The following VPS13B variants were observed in gnomAD, a reference collection of about 807,000 sequenced individuals.
VPS13B encodes the protein vacuolar protein sorting 13 homolog B.
VPS13B carries 285 observed loss-of-function variants against 426.4 expected under a neutral mutation model. The ratio of observed to expected loss-of-function variants is 0.67; its 90% CI spans 0.61 to 0.74. The LOEUF is 0.74. VPS13B is among the 30% of genes least tolerant of loss of function. VPS13B has a pLI of 0.00. For missense variants in VPS13B, 4,537 were observed against 4,782.6 expected (o/e 0.95, Z 1.51); for synonymous variants, 1,676 against 1,676.4 (o/e 1.00, Z 0.01).
At chr8:99,492,411 A>G (rs1820657276) in intron 25 of VPS13B, among the ~76,000 whole-genome samples, 1 of 152,348 alleles carries the variant, frequency 6.6e-6, no homozygotes, top group African/African-American at 2.4e-5. Flanking sequence ...GCTGTCAGAC[A>G]GGGACGTTTA....
chr8:99,232,350 C>T (rs1194207798), intron 17 of VPS13B, among the ~76,000 whole-genome samples: 1 of 152,008 alleles, frequency 6.6e-6, no homozygotes, highest in Non-Finnish European at 1.5e-5. Flanking sequence ...GAGATGGTAT[C>T]CCTCCTGTTG....
At chr8:99,775,624 T>C (rs1355421912) in intron 40 of VPS13B, among the ~76,000 whole-genome samples, 1 of 152,090 alleles carries the variant, frequency 6.6e-6, no homozygotes, top group African/African-American at 2.4e-5. Context: ...CAGGCTGGGA[T>C]TGGTGGCTCA....
intron 6 of VPS13B, among the ~76,000 whole-genome samples, chr8:99,113,225 A>C (rs1402788237): frequency 1.3e-5 from 2 of 151,966 alleles, no homozygotes; most frequent in African/African-American, 4.8e-5. Flanking sequence ...CAGGCTCTTA[A>C]GTAGCTAGGA....
At chr8:99,292,163 G>A (rs925860944) in intron 19 of VPS13B, among the ~76,000 whole-genome samples, 12 of 152,084 alleles carry the variant, frequency 7.9e-5, no homozygotes, top group African/African-American at 2.7e-4. Flanking sequence ...AACAAATGCA[G>A]AAGTGAAGAA....
chr8:99,066,725 A>G (rs1034248547), intron 3 of VPS13B, among the ~76,000 whole-genome samples: 2 of 152,242 alleles, frequency 1.3e-5, no homozygotes, highest in Non-Finnish European at 2.9e-5. Flanking sequence ...AACCTACAGA[A>G]TAGGAGAAAA....
chr8:99,717,125 T>C (rs1289428926), intron 36 of VPS13B, 46 bp from the exon 37 acceptor site: 9 of 1,537,716 alleles, frequency 5.9e-6, no homozygotes, highest in Non-Finnish European at 8.1e-6. Context: ...CCAAACATTT[T>C]TTTTGATAAG....
chr8:99,480,740 C>A (rs888209757), intron 24 of VPS13B, among the ~76,000 whole-genome samples: 41 of 152,090 alleles, frequency 2.7e-4, no homozygotes, highest in Middle Eastern at 3.2e-3. Context: ...TGTTTTTATG[C>A]ATCTGTTCTG....
chr8:99,532,220 G>C (rs561204921), intron 30 of VPS13B, among the ~76,000 whole-genome samples: 6 of 152,196 alleles, frequency 3.9e-5, no homozygotes, highest in Non-Finnish European at 8.8e-5. Flanking sequence ...ATCGTCAATT[G>C]TGAGGTTTTT....
At chr8:99,579,271 A>G (rs954598322) in intron 33 of VPS13B, among the ~76,000 whole-genome samples, 1 of 152,222 alleles carries the variant, frequency 6.6e-6, no homozygotes, top group African/African-American at 2.4e-5. Context: ...AGCAGAACTC[A>G]TATCTGCTAG....
At chr8:99,355,649 T>C (rs1812143313) in intron 19 of VPS13B, among the ~76,000 whole-genome samples, 1 of 152,132 alleles carries the variant, frequency 6.6e-6, no homozygotes, top group South Asian at 2.1e-4. Flanking sequence ...AATGTATGAC[T>C]CTGCCCTTTC....
chr8:99,086,818 G>A (rs7012018), intron 3 of VPS13B, among the ~76,000 whole-genome samples: 110,721 of 151,256 alleles, frequency 0.73, 41,098 homozygotes, highest in South Asian at 0.86. Context: ...TCCTCTGGAA[G>A]CTTTGTCTCA....
chr8:99,836,910 T>G (rs1815425387), intron 54 of VPS13B, among the ~76,000 whole-genome samples: 1 of 152,208 alleles, frequency 6.6e-6, no homozygotes, highest in South Asian at 2.1e-4. Flanking sequence ...CCTCCAGAAG[T>G]ACCTTGGTCT....
chr8:99,267,535 C>G (rs1273680705), intron 17 of VPS13B, among the ~76,000 whole-genome samples: 1 of 151,978 alleles, frequency 6.6e-6, no homozygotes, highest in Non-Finnish European at 1.5e-5. Flanking sequence ...CGAGACCATC[C>G]TGGCTAACAT....
intron 2 of VPS13B, among the ~76,000 whole-genome samples, chr8:99,031,741 G>A (rs1400916193): frequency 6.6e-6 from 1 of 152,122 alleles, no homozygotes; most frequent in African/African-American, 2.4e-5. Flanking sequence ...GCTTTGCTTG[G>A]GGTGAGGAAT....
At chr8:99,089,457 A>C (rs897765071) in intron 3 of VPS13B, among the ~76,000 whole-genome samples, 2 of 152,178 alleles carry the variant, frequency 1.3e-5, no homozygotes, top group Non-Finnish European at 2.9e-5. Context: ...TGTGCATTTT[A>C]TGGAGACATA....
rs1242500647 is a variant in VPS13B at position 99,280,331 on chromosome 8, C to A, written c.2824+5077C>A. On this transcript the variant is annotated intron_variant, in intron 19 of 61. Coordinates refer to ENST00000357162, the MANE Select transcript of VPS13B (RefSeq NM_152564.5). ...ACTCTGCCTTTTCCCTACTCCCTCC[C>A]AAGCCACTCAATTTAATTAAGTACC... is the stretch of plus-strand genomic sequence containing the variant. Among the ~76,000 whole-genome samples the A allele has an allele frequency of 2.6e-5, 4 of 152,148 alleles. No homozygotes were observed. The South Asian group carries it at 8.3e-4, about 32-fold the overall frequency.
At chr8:99,346,514 CA>C (rs919910129) in intron 19 of VPS13B, 11 of 152,330 alleles carry the variant, frequency 7.2e-5, no homozygotes, top group African/African-American at 2.4e-4. Context: ...TTTATGGCAC[CA>C]ATAAGCAGGT....
At chr8:99,357,940 C>T (rs1009321985) in intron 19 of VPS13B, among the ~76,000 whole-genome samples, 1 of 151,268 alleles carries the variant, frequency 6.6e-6, no homozygotes, top group African/African-American at 2.4e-5. Flanking sequence ...ACTTTCTTTG[C>T]TTTTCTAAAA....
At chr8:99,816,712 G>T (rs1229412553) in intron 44 of VPS13B, among the ~76,000 whole-genome samples, 1 of 152,046 alleles carries the variant, frequency 6.6e-6, no homozygotes, top group African/African-American at 2.4e-5. Flanking sequence ...GGCTGAGGTG[G>T]GAGGATTGCT....
Sources: allele counts gnomAD v4.1 joint callset (sites outside exome capture counted in the v4.1 genomes callset), GRCh38; gene constraint gnomAD v4.1.1; transcripts MANE v1.5; gene names NCBI Gene and HGNC (gene_info 2026-07-23, HGNC 2026-07-21).